IGF2BP2: variants seen among roughly 807,000 people sequenced by gnomAD.
IGF2BP2 encodes the protein insulin like growth factor 2 mRNA binding protein 2, also known as insulin-like growth factor 2 mRNA-binding protein 2.
In IGF2BP2, 17 loss-of-function variants were observed where a neutral mutation model predicts 75.8. The observed-to-expected ratio is 0.22, with a 90% CI of 0.15 to 0.34. The LOEUF (loss-of-function observed/expected upper bound fraction) is 0.34. Ranked by LOEUF, IGF2BP2 falls within the 10% of genes least tolerant of loss-of-function variation. The pLI, the probability that IGF2BP2 is intolerant of heterozygous loss-of-function variation, is 1.00. For synonymous variants in IGF2BP2, 288 were observed against 295.6 expected, an observed-to-expected ratio of 0.97 and a Z score of 0.26; for missense variants, 516 against 772.4, an observed-to-expected ratio of 0.67 and a Z score of 3.93.
intron 7 of IGF2BP2, 72 bp downstream of exon 7, chr3:185,686,985 C>T: frequency 1.9e-6 from 3 of 1,542,912 alleles, no homozygotes; most frequent in Non-Finnish European, 2.6e-6. Context: ...TAAAAAAAAC[C>T]TCTTGGGTTA....
intron 6 of IGF2BP2, among the ~76,000 whole-genome samples, chr3:185,687,768 T>G (rs1721351805): frequency 6.6e-6 from 1 of 152,236 alleles, no homozygotes; most frequent in African/African-American, 2.4e-5. Flanking sequence ...CTTCTTTGGG[T>G]AGTTGTGGTC....
At chr3:185,675,013 T>TC (rs200528350) in intron 9 of IGF2BP2, 67 of 160,386 alleles carry the variant, frequency 4.2e-4, no homozygotes, top group Middle Eastern at 2.9e-3. Context: ...GCTTTTCTTT[T>TC]TTTTTTTTTT....
intron 2 of IGF2BP2, among the ~76,000 whole-genome samples, chr3:185,808,511 T>C (rs1739361404): frequency 6.6e-6 from 1 of 152,078 alleles, no homozygotes; most frequent in East Asian, 1.9e-4. Flanking sequence ...ATTTTAAAAA[T>C]TAAATTGCTA....
At chr3:185,748,314 C>T (rs1730534579) in intron 2 of IGF2BP2, among the ~76,000 whole-genome samples, 1 of 152,182 alleles carries the variant, frequency 6.6e-6, no homozygotes, top group African/African-American at 2.4e-5. Context: ...ATGCGATATA[C>T]TGCCTGCCTG....
intron 3 of IGF2BP2, among the ~76,000 whole-genome samples, chr3:185,697,635 C>CA (rs1332139648): frequency 6.6e-6 from 1 of 152,108 alleles, no homozygotes; most frequent in Non-Finnish European, 1.5e-5. Context: ...TCAAAACAAA[C>CA]AAAAAATTCT....
At chr3:185,713,164 C>A (rs1313005409) in intron 2 of IGF2BP2, 2 of 326,454 alleles carry the variant, frequency 6.1e-6, no homozygotes, top group Non-Finnish European at 1.2e-5. Context: ...AAGACCAGAA[C>A]TGCACCCAAG....
At chr3:185,669,206 T>C (rs1032443999) in intron 10 of IGF2BP2, among the ~76,000 whole-genome samples, 1 of 152,196 alleles carries the variant, frequency 6.6e-6, no homozygotes, top group Admixed American at 6.6e-5. Flanking sequence ...ATATACTATG[T>C]ATCAGCATAG....
intron 10 of IGF2BP2, among the ~76,000 whole-genome samples, chr3:185,668,816 T>G (rs928589200): frequency 6.6e-6 from 1 of 152,050 alleles, no homozygotes; most frequent in Admixed American, 6.6e-5. Flanking sequence ...TACATAGCAG[T>G]TACTGTATGT....
At chr3:185,736,920 A>C (rs946274126) in intron 2 of IGF2BP2, among the ~76,000 whole-genome samples, 5 of 152,208 alleles carry the variant, frequency 3.3e-5, no homozygotes, top group Non-Finnish European at 7.3e-5. Context: ...TCAAAATTAG[A>C]AATGGAACAG....
At chr3:185,751,907 G>A (rs1231490223) in intron 2 of IGF2BP2, among the ~76,000 whole-genome samples, 1 of 151,756 alleles carries the variant, frequency 6.6e-6, no homozygotes, top group Non-Finnish European at 1.5e-5. Flanking sequence ...AGTTTGCAGT[G>A]AGCCGAGATC....
intron 2 of IGF2BP2, among the ~76,000 whole-genome samples, chr3:185,799,015 A>T (rs539293324): frequency 1.4e-3 from 210 of 151,730 alleles, no homozygotes; most frequent in Middle Eastern, 3.4e-3. Flanking sequence ...GGCTCAAGTG[A>T]TCTTCCCGCC....
intron 2 of IGF2BP2, among the ~76,000 whole-genome samples, chr3:185,708,994 G>A (rs1724434680): frequency 6.6e-6 from 1 of 152,274 alleles, no homozygotes; most frequent in Admixed American, 6.5e-5. Flanking sequence ...AAACCAAATT[G>A]TGTTTTTAGA....
intron 2 of IGF2BP2, among the ~76,000 whole-genome samples, chr3:185,773,387 C>T (rs909127156): frequency 2.6e-5 from 4 of 152,016 alleles, no homozygotes; most frequent in African/African-American, 7.3e-5. Flanking sequence ...ATTTAACAGG[C>T]GGAAGTACTA....
At chr3:185,813,471 G>A (rs1305477821) in intron 2 of IGF2BP2, among the ~76,000 whole-genome samples, 2 of 152,120 alleles carry the variant, frequency 1.3e-5, no homozygotes, top group Non-Finnish European at 1.5e-5. Context: ...CTATCAGCTC[G>A]AAAAGAAAGG....
chr3:185,726,396 G>A (rs774883418), intron 2 of IGF2BP2, among the ~76,000 whole-genome samples: 8 of 152,276 alleles, frequency 5.3e-5, no homozygotes, highest in African/African-American at 1.7e-4. Context: ...TCTCCATTCA[G>A]ATGGAAATTT....
At chr3:185,760,557 G>A (rs1412514979) in intron 2 of IGF2BP2, among the ~76,000 whole-genome samples, 2 of 152,044 alleles carry the variant, frequency 1.3e-5, no homozygotes, top group South Asian at 2.1e-4. Flanking sequence ...CACCAGCCTC[G>A]CCCCTTCCCG....
intron 2 of IGF2BP2, among the ~76,000 whole-genome samples, chr3:185,812,772 C>G (rs376432120): frequency 2.0e-5 from 3 of 152,186 alleles, no homozygotes; most frequent in African/African-American, 7.2e-5. Context: ...TTCCCATGTA[C>G]GTACATCCAT....
chr3:185,700,438 C>T (rs576711882), intron 2 of IGF2BP2, among the ~76,000 whole-genome samples: 9 of 152,092 alleles, frequency 5.9e-5, no homozygotes, highest in Admixed American at 4.6e-4. Flanking sequence ...TGTATCAGGA[C>T]GGAAAAAGAA....
intron 2 of IGF2BP2, among the ~76,000 whole-genome samples, chr3:185,749,121 G>A (rs1179225265): frequency 2.0e-5 from 3 of 152,026 alleles, no homozygotes; most frequent in Admixed American, 2.0e-4. Context: ...CCGAGATCAC[G>A]CCATTGCATT....
Sources: gnomAD v4.1 joint callset for allele counts (sites outside exome capture counted in the v4.1 genomes callset) on GRCh38, gnomAD v4.1.1 for gene constraint, MANE v1.5 for transcripts, NCBI Gene and HGNC (gene_info 2026-07-23, HGNC 2026-07-21) for gene names.